The following AIG1 variants were observed in gnomAD, a reference collection of about 807,000 sequenced individuals.
AIG1 encodes androgen induced 1, also known as androgen-induced gene 1 protein.
Under a neutral mutation model 31.4 loss-of-function variants are expected in AIG1, and 23 were observed. That is an observed-to-expected ratio of 0.73 (90% CI 0.53 to 1.04). The LOEUF (loss-of-function observed/expected upper bound fraction) is 1.04. AIG1 is among the 50% of genes least tolerant of loss of function. AIG1 has a pLI of 0.00. For missense variants in AIG1, 274 were observed against 295.0 expected, an observed-to-expected ratio of 0.93 and a Z score of 0.52; for synonymous variants, 100 against 110.5, an observed-to-expected ratio of 0.90 and a Z score of 0.60.
chr6:143,059,664 A>T (rs542254314), upstream of AIG1, among the ~76,000 whole-genome samples: 1 of 152,328 alleles, frequency 6.6e-6, no homozygotes, highest in South Asian at 2.1e-4. Flanking sequence ...GATTGGAAAC[A>T]TTCAGGAAAA....
intron 3 of AIG1, among the ~76,000 whole-genome samples, chr6:143,276,568 T>A (rs1400308253): frequency 6.6e-6 from 1 of 152,214 alleles, no homozygotes; most frequent in African/African-American, 2.4e-5. Flanking sequence ...TATGCCATGC[T>A]GATAGGTAGC....
At chr6:143,302,624 TTG>T (rs1278549110) in intron 4 of AIG1, among the ~76,000 whole-genome samples, 2 of 152,156 alleles carry the variant, frequency 1.3e-5, no homozygotes, top group Non-Finnish European at 2.9e-5. Flanking sequence ...CAATCTATCA[TTG>T]TTGGACATTT....
rs1798556988 is a variant in AIG1, at chr6:143,298,019, T to C, written c.515+13794T>C. ...ATAAATTTACAGGTAAAAATACAAA[T>C]CATTTTGCAACTAGAATGAGTAATT... On this transcript the variant is annotated intron_variant, in intron 4 of 5. Coordinates refer to ENST00000357847, the MANE Select transcript of AIG1 (RefSeq NM_016108.4). This position sits in a 1 kb window ranked among gnomAD's most constrained non-coding sequence, Gnocchi z 5.1. 6.6e-6 allele frequency among the ~76,000 whole-genome samples: 1 copy of C among 151,912 alleles called. No individual in the cohort carries two copies.
At chr6:143,108,465 TC>T (rs1780995135) in intron 1 of AIG1, among the ~76,000 whole-genome samples, 1 of 152,188 alleles carries the variant, frequency 6.6e-6, no homozygotes, top group African/African-American at 2.4e-5. Context: ...CTTTTCCTTT[TC>T]CCTGATCTAA....
At chr6:143,223,842 G>C (rs1382687970) in intron 3 of AIG1, among the ~76,000 whole-genome samples, 1 of 152,036 alleles carries the variant, frequency 6.6e-6, no homozygotes, top group Non-Finnish European at 1.5e-5. Context: ...TAAATAAATT[G>C]TGATTTATTT....
At chr6:143,200,944 C>T (rs1790647374) in intron 3 of AIG1, among the ~76,000 whole-genome samples, 1 of 152,044 alleles carries the variant, frequency 6.6e-6, no homozygotes, top group African/African-American at 2.4e-5. Flanking sequence ...GTGGATTTCC[C>T]ATAGACATTT....
At chr6:143,192,665 T>C (rs1789896587) in intron 3 of AIG1, among the ~76,000 whole-genome samples, 1 of 152,072 alleles carries the variant, frequency 6.6e-6, no homozygotes, top group Non-Finnish European at 1.5e-5. Flanking sequence ...GAGCACATAT[T>C]ATGGCTAGTG....
chr6:143,311,844 A>G (rs1216757572), intron 4 of AIG1, among the ~76,000 whole-genome samples: 1 of 152,120 alleles, frequency 6.6e-6, no homozygotes, highest in African/African-American at 2.4e-5. Context: ...GTTAGAAGTG[A>G]TAAACAAATT....
intron 4 of AIG1, among the ~76,000 whole-genome samples, chr6:143,289,960 A>G (rs996878770): frequency 6.6e-6 from 1 of 152,222 alleles, no homozygotes; most frequent in Non-Finnish European, 1.5e-5. Context: ...TTTGACCAGC[A>G]GATGACATTT....
chr6:143,245,589 T>C (rs1583611734), intron 3 of AIG1, among the ~76,000 whole-genome samples: 1 of 152,218 alleles, frequency 6.6e-6, no homozygotes, highest in East Asian at 1.9e-4. Context: ...TGATAATTGC[T>C]TTGAAAAGAA....
chr6:143,065,412 T>C (rs13196198), intron 1 of AIG1, among the ~76,000 whole-genome samples: 4 of 152,232 alleles, frequency 2.6e-5, no homozygotes, highest in Non-Finnish European at 5.9e-5. Flanking sequence ...AAACTAGCTG[T>C]TACTCAAATA....
intron 3 of AIG1, among the ~76,000 whole-genome samples, chr6:143,236,104 A>C (rs986938937): frequency 4.6e-5 from 7 of 152,212 alleles, no homozygotes; most frequent in Non-Finnish European, 8.8e-5. Flanking sequence ...AATAAGCCCC[A>C]AAAATGTGAG....
chr6:143,343,213 T>C (rs1273985878), downstream of AIG1: 2 of 687,608 alleles, frequency 2.9e-6, no homozygotes, highest in South Asian at 1.4e-5. Flanking sequence ...GCAGGAATGA[T>C]CCTGGGACGG....
At chr6:143,289,114 C>G (rs752632693) in intron 4 of AIG1, among the ~76,000 whole-genome samples, 11 of 152,060 alleles carry the variant, frequency 7.2e-5, no homozygotes, top group Non-Finnish European at 1.5e-4. Context: ...GCATCAGGCT[C>G]TTTGTTAATC....
At chr6:143,173,549 C>A (rs1353892931) in intron 3 of AIG1, among the ~76,000 whole-genome samples, 1 of 152,132 alleles carries the variant, frequency 6.6e-6, no homozygotes, top group Non-Finnish European at 1.5e-5. Flanking sequence ...CTTAGCACTG[C>A]TTTTGCTGTA....
rs749560435 is a variant in AIG1 at position 143,339,716 on chromosome 6, T to A, written c.*40T>A. On this transcript the variant is annotated 3_prime_UTR_variant, in exon 6 of 6. Coordinates refer to ENST00000357847, the MANE Select transcript of AIG1 (RefSeq NM_016108.4). ...CGCAAGAGCTAGATTGAGCCGCCAT[T>A]GAAGACTCCTTCCCCTCGGGCATTG... The A allele has an allele frequency of 1.2e-6, 2 of 1,605,622 alleles. No individual in the cohort carries two copies. Among genetic ancestry groups the A allele is most frequent in the South Asian group, 2.2e-5 (2 of 90,084 alleles).
chr6:143,172,343 A>G (rs1456602905), intron 3 of AIG1, among the ~76,000 whole-genome samples: 1 of 152,110 alleles, frequency 6.6e-6, no homozygotes, highest in Non-Finnish European at 1.5e-5. Flanking sequence ...TTTATTTTTA[A>G]TTCTGTTCAC....
chr6:143,251,477 G>A (rs1795009575), intron 3 of AIG1, among the ~76,000 whole-genome samples: 2 of 152,006 alleles, frequency 1.3e-5, no homozygotes, highest in Non-Finnish European at 2.9e-5. Context: ...AAACACACCT[G>A]ACACTGTTTG....
At chr6:143,193,284 G>A (rs1235532705) in intron 3 of AIG1, among the ~76,000 whole-genome samples, 3 of 152,178 alleles carry the variant, frequency 2.0e-5, no homozygotes, top group Admixed American at 2.0e-4. Flanking sequence ...CACGGTTAGT[G>A]CCTTTAAGCC....
Sources: gnomAD v4.1 joint callset for allele counts (sites outside exome capture counted in the v4.1 genomes callset) on GRCh38, gnomAD v4.1.1 for gene constraint, Gnocchi (gnomAD v3.1) non-coding constraint, MANE v1.5 for transcripts, NCBI Gene and HGNC (gene_info 2026-07-23, HGNC 2026-07-21) for gene names.